The following PCED1B variants were observed in gnomAD, a reference collection of about 807,000 sequenced individuals.
PCED1B encodes PC-esterase domain-containing protein 1B.
For missense variants in PCED1B, 573 were observed against 573.9 expected (o/e 1.00, Z 0.02); for synonymous variants, 251 against 246.1 (o/e 1.02, Z -0.19).
chr12:47,233,494 G>A (rs1052308926), intron 3 of PCED1B, among the ~76,000 whole-genome samples: 1 of 152,214 alleles, frequency 6.6e-6, no homozygotes. Flanking sequence ...AAGGGGCTTT[G>A]GGCTTTAAGG....
At chr12:47,080,269 A>T (rs961522291) in intron 1 of PCED1B, among the ~76,000 whole-genome samples, 5 of 152,004 alleles carry the variant, frequency 3.3e-5, no homozygotes, top group Non-Finnish European at 5.9e-5. Flanking sequence ...GCTAAAGGGG[A>T]CACGCCCAGC....
intron 2 of PCED1B, among the ~76,000 whole-genome samples, chr12:47,127,135 AT>A (rs1939919709): frequency 6.6e-6 from 1 of 152,142 alleles, no homozygotes; most frequent in South Asian, 2.1e-4. Context: ...GAATGTAGTC[AT>A]TTTAGCACTA....
At chr12:47,131,921 C>T (rs928998358) in intron 2 of PCED1B, among the ~76,000 whole-genome samples, 10 of 152,132 alleles carry the variant, frequency 6.6e-5, no homozygotes, top group South Asian at 4.1e-4. Flanking sequence ...CCCACCTCCA[C>T]CTCCCAAAGT....
intron 3 of PCED1B, chr12:47,223,704 G>T (rs1209913147): frequency 6.6e-6 from 1 of 152,286 alleles, no homozygotes; most frequent in African/African-American, 2.4e-5. Context: ...AGGGTGGGAA[G>T]CGGGGTGAGG....
chr12:47,161,086 G>A (rs1941362873), intron 2 of PCED1B, among the ~76,000 whole-genome samples: 1 of 152,306 alleles, frequency 6.6e-6, no homozygotes, highest in East Asian at 1.9e-4. Context: ...CCAGATGAAT[G>A]CTGGCACTAT....
chr12:47,219,030 A>G (rs1254498016), intron 3 of PCED1B, among the ~76,000 whole-genome samples: 1 of 152,134 alleles, frequency 6.6e-6, no homozygotes, highest in Non-Finnish European at 1.5e-5. Flanking sequence ...GATCCCAGCT[A>G]TTCCGGAGAC....
In PCED1B at chr12:47,216,393, T is replaced by G. The variant is rs1215475957; in HGVS notation, c.-354T>G. 6.6e-6 allele frequency: 1 copy of G among 152,240 alleles called. No homozygotes were observed. The highest frequency in any genetic ancestry group is 2.4e-5 in the African/African-American group (1 of 41,464). The allele number at this position is 152,240 out of a possible 1,614,324, so 9.4% of individuals were successfully genotyped here. On this transcript the variant is annotated 5_prime_UTR_variant, in exon 3 of 4. Coordinates refer to ENST00000546455, the MANE Select transcript of PCED1B (RefSeq NM_138371.3). ...CTTTGTATTGACTTACCATTTCATGTTTTCACACATGTCAAAGTCTTGAAG... is the reference window on the plus strand; with the variant it reads ...CTTTGTATTGACTTACCATTTCATGGTTTCACACATGTCAAAGTCTTGAAG...
At chr12:47,159,868 C>T (rs1050106141) in intron 2 of PCED1B, among the ~76,000 whole-genome samples, 9 of 152,040 alleles carry the variant, frequency 5.9e-5, no homozygotes, top group African/African-American at 1.7e-4. Flanking sequence ...TTTATAGTTT[C>T]GGATCTTATG....
At chr12:47,141,622 CT>C (rs1196702768) in intron 2 of PCED1B, among the ~76,000 whole-genome samples, 1 of 152,160 alleles carries the variant, frequency 6.6e-6, no homozygotes, top group Non-Finnish European at 1.5e-5. Context: ...CAGGAACCTG[CT>C]GGGAAACATG....
At chr12:47,133,765 ATGTTTC>A (rs920933199) in intron 2 of PCED1B, among the ~76,000 whole-genome samples, 1 of 152,146 alleles carries the variant, frequency 6.6e-6, no homozygotes, top group African/African-American at 2.4e-5. Flanking sequence ...TATGGACTGA[ATGTTTC>A]TGTCCCCTAA....
chr12:47,089,459 T>A (rs1392409799), intron 1 of PCED1B, among the ~76,000 whole-genome samples: 8 of 58,942 alleles, frequency 1.4e-4, no homozygotes, highest in African/African-American at 7.7e-4. Flanking sequence ...AAAAAAAAAA[T>A]ACATATATAT....
intron 2 of PCED1B, among the ~76,000 whole-genome samples, chr12:47,127,194 T>A (rs1939921889): frequency 1.3e-5 from 2 of 152,182 alleles, no homozygotes; most frequent in South Asian, 4.1e-4. Flanking sequence ...TAAATTTTGA[T>A]ACACATTTAC....
chr12:47,197,957 CTGAACAT>C (rs1942655819), intron 2 of PCED1B, among the ~76,000 whole-genome samples: 1 of 152,184 alleles, frequency 6.6e-6, no homozygotes, highest in African/African-American at 2.4e-5. Context: ...GCTAATTCTA[CTGAACAT>C]TTAAGGAAGA....
At chr12:47,100,983 T>A (rs1482947641) in intron 1 of PCED1B, among the ~76,000 whole-genome samples, 1 of 151,904 alleles carries the variant, frequency 6.6e-6, no homozygotes, top group Admixed American at 6.5e-5. Flanking sequence ...GGCAGGAGAA[T>A]CACTTGAACC....
chr12:47,164,416 A>G (rs1048620290), intron 2 of PCED1B, among the ~76,000 whole-genome samples: 1 of 152,228 alleles, frequency 6.6e-6, no homozygotes, highest in African/African-American at 2.4e-5. Context: ...AGGGCAGACA[A>G]TTAAATCTTA....
intron 1 of PCED1B, among the ~76,000 whole-genome samples, chr12:47,100,618 C>A (rs1200325878): frequency 2.0e-5 from 3 of 152,128 alleles, no homozygotes; most frequent in African/African-American, 7.2e-5. Flanking sequence ...TATCTGAAAT[C>A]TGATGTCTTC....
At chr12:47,106,547 G>C (rs1025266715) in intron 2 of PCED1B, among the ~76,000 whole-genome samples, 1 of 151,990 alleles carries the variant, frequency 6.6e-6, no homozygotes. Context: ...ATCAGCAAAC[G>C]CGCCTCTCAA....
At chr12:47,097,216 A>G (rs1217488495) in intron 1 of PCED1B, among the ~76,000 whole-genome samples, 1 of 152,342 alleles carries the variant, frequency 6.6e-6, no homozygotes, top group Non-Finnish European at 1.5e-5. Flanking sequence ...AACCAGAAAT[A>G]CCTAAAATAA....
intron 2 of PCED1B, among the ~76,000 whole-genome samples, chr12:47,119,966 C>CATA (rs57171859): frequency 0.1 from 15,032 of 148,206 alleles, 1,794 homozygotes; most frequent in African/African-American, 0.28. Flanking sequence ...ACTCTGTCTC[C>CATA]ATAATAATAA....
Sources: gnomAD v4.1 joint callset for allele counts (sites outside exome capture counted in the v4.1 genomes callset) on GRCh38, gnomAD v4.1.1 for gene constraint, MANE v1.5 for transcripts, NCBI Gene and HGNC (gene_info 2026-07-23, HGNC 2026-07-21) for gene names.